The following CCDC38 variants were observed in gnomAD, a reference collection of about 807,000 sequenced individuals.
The protein encoded by CCDC38 is coiled-coil domain containing 38, also known as coiled-coil domain-containing protein 38.
CCDC38 carries 69 observed loss-of-function variants against 72.8 expected under a neutral mutation model. That is an observed-to-expected ratio of 0.95 (90% CI 0.78 to 1.16). The LOEUF (loss-of-function observed/expected upper bound fraction) is 1.16. Among genes scored for constraint, CCDC38 ranks in the 50% most tolerant of loss-of-function variants. CCDC38 has a pLI of 0.00. For missense variants in CCDC38, 626 were observed against 638.9 expected (o/e 0.98, Z 0.22); for synonymous variants, 201 against 213.2 (o/e 0.94, Z 0.50).
chr12:95,878,095 A>G (rs2079654776), intron 13 of CCDC38, 116 bp downstream of exon 13: 3 of 1,192,854 alleles, frequency 2.5e-6, no homozygotes, highest in East Asian at 4.9e-5. Context: ...CACTTCTGTC[A>G]TCAATCTAGG....
intron 2 of CCDC38, among the ~76,000 whole-genome samples, chr12:95,931,539 T>C (rs2080339417): frequency 6.6e-6 from 1 of 152,234 alleles, no homozygotes; most frequent in Non-Finnish European, 1.5e-5. Flanking sequence ...CTATTTGTCT[T>C]GTCCTAATTC....
intron 7 of CCDC38, 47 bp from the exon 8 acceptor site, chr12:95,895,193 C>A: frequency 7.1e-7 from 1 of 1,404,986 alleles, no homozygotes. Flanking sequence ...AGTGTGAAAG[C>A]ACATTCATTA....
rs2079659905 is a variant in CCDC38, at chr12:95,878,361, G to A, written c.1143-15C>T. The A allele has an allele frequency of 1.1e-5, 17 of 1,605,626 alleles. No homozygotes were observed. Among genetic ancestry groups the A allele is most frequent in the Non-Finnish European group, 1.4e-5 (17 of 1,177,934 alleles). ...TGTTGCTATTTCTATTACAAAAGAAGAAAGAGACCCTCATCTGAAATTTGT... is the reference window on the plus strand; with the variant it reads ...TGTTGCTATTTCTATTACAAAAGAAAAAAGAGACCCTCATCTGAAATTTGT... On this transcript the variant is annotated splice_polypyrimidine_tract_variant and intron_variant, in intron 12 of 15. Transcript: ENST00000344280.
chr12:95,868,476 G>T (rs1299985955), intron 15 of CCDC38, among the ~76,000 whole-genome samples: 1 of 152,152 alleles, frequency 6.6e-6, no homozygotes, highest in African/African-American at 2.4e-5. Context: ...CCTTTTTTAA[G>T]ATGAAGTATT....
chr12:95,893,110 G>A (rs1341798302), intron 8 of CCDC38, among the ~76,000 whole-genome samples: 2 of 151,978 alleles, frequency 1.3e-5, no homozygotes, highest in Admixed American at 6.6e-5. Context: ...TACATTTTTG[G>A]TAACATTTTA....
chr12:95,917,058 A>T, intron 4 of CCDC38, 71 bp downstream of exon 4: 1 of 1,310,744 alleles, frequency 7.6e-7, no homozygotes, highest in South Asian at 1.6e-5. Flanking sequence ...TCACCCTCCA[A>T]CAAAGCTCCC....
At chr12:95,890,763 C>T (rs1475047738) in intron 9 of CCDC38, 69 bp downstream of exon 9, 8 of 951,094 alleles carry the variant, frequency 8.4e-6, no homozygotes, top group East Asian at 2.5e-5. Flanking sequence ...GGCTTGTAGT[C>T]CTCTGTCTCC....
intron 4 of CCDC38, among the ~76,000 whole-genome samples, chr12:95,913,453 C>T (rs1233349525): frequency 6.6e-6 from 1 of 151,792 alleles, no homozygotes; most frequent in Non-Finnish European, 1.5e-5. Context: ...ACCTGTTTCT[C>T]TCCTTTCTCC....
intron 9 of CCDC38, among the ~76,000 whole-genome samples, chr12:95,890,453 C>T (rs2121455112): frequency 6.6e-6 from 1 of 152,354 alleles, no homozygotes; most frequent in Non-Finnish European, 1.5e-5. Flanking sequence ...TTCTCTGAAT[C>T]ACTGGCCAAA....
intron 10 of CCDC38, among the ~76,000 whole-genome samples, chr12:95,881,832 C>G (rs908859539): frequency 6.6e-6 from 1 of 152,198 alleles, no homozygotes; most frequent in African/African-American, 2.4e-5. Flanking sequence ...TGAGGTGCAT[C>G]TATAAAGTAA....
Position 95,879,771 on chromosome 12 carries a change from G to C in CCDC38, c.1015C>G (p.Pro339Ala). Reference protein sequence around the residue: ...DLEPALYFKEPEELLQVLREL... With the variant: ...DLEPALYFKEAEELLQVLREL... ...CTGAGGACTTGAAGTAACTCCTCTG[G>C]TTCCTTGAAATAAAGTGCTGGCTCC... The change falls in exon 12 of 16, where the codon CCA (proline) becomes GCA (alanine). Residue 339 changes from proline to alanine, a missense_variant. Coordinates refer to ENST00000344280, the MANE Select transcript of CCDC38 (RefSeq NM_182496.3). This position sits in a 1 kb window ranked among gnomAD's most constrained non-coding sequence, Gnocchi z 5.5. 1 of 1,607,622 alleles carries C rather than the reference G, an allele frequency of 6.2e-7. No homozygotes were observed. The highest frequency in any genetic ancestry group is 8.5e-7 in the Non-Finnish European group (1 of 1,177,136).
chr12:95,936,454 T>C lies in CCDC38; in HGVS notation c.37+19A>G. 6.2e-7 allele frequency: 1 copy of C among 1,611,604 alleles called. No individual in the cohort carries two copies. Among genetic ancestry groups the C allele is most frequent in the South Asian group, 1.1e-5 (1 of 90,568 alleles). On this transcript the variant is annotated intron_variant, in intron 2 of 15. Transcript: ENST00000344280. ...ACTGCCAGGCCCAAACAAGAATATA[T>C]TGATTGATTTCTTTTTACCTCCAGA...
chr12:95,904,474 A>T (rs2079981180), intron 5 of CCDC38, among the ~76,000 whole-genome samples: 1 of 152,256 alleles, frequency 6.6e-6, no homozygotes, highest in Non-Finnish European at 1.5e-5. Flanking sequence ...TATTAAAAGG[A>T]AAGAATATGC....
At chr12:95,920,964 A>G in intron 2 of CCDC38, among the ~76,000 whole-genome samples, 1 of 152,030 alleles carries the variant, frequency 6.6e-6, no homozygotes, top group East Asian at 1.9e-4. Flanking sequence ...CCCCATCTCT[A>G]CGAAGAATAC....
At chr12:95,940,949 C>G (rs2080444357) in intron 1 of CCDC38, among the ~76,000 whole-genome samples, 1 of 151,804 alleles carries the variant, frequency 6.6e-6, no homozygotes, top group Non-Finnish European at 1.5e-5. Context: ...TCAGCATATA[C>G]AAGTCAGATA....
intron 2 of CCDC38, among the ~76,000 whole-genome samples, chr12:95,924,351 G>A (rs2080244735): frequency 6.8e-6 from 1 of 147,316 alleles, no homozygotes; most frequent in South Asian, 2.2e-4. Context: ...CTTTTGAGAA[G>A]TGTCTGTTCA....
intron 2 of CCDC38, among the ~76,000 whole-genome samples, chr12:95,936,078 CAAAAA>C (rs35967530): frequency 1.3e-5 from 2 of 149,246 alleles, no homozygotes; most frequent in Non-Finnish European, 3.0e-5. Flanking sequence ...AATTCCATCT[CAAAAA>C]AAGTAATTAA....
intron 14 of CCDC38, 86 bp from the exon 15 acceptor site, chr12:95,869,659 G>A (rs10735335): frequency 0.57 from 552,939 of 971,728 alleles, 158,633 homozygotes; most frequent in African/African-American, 0.63. Flanking sequence ...TGAGCCATGT[G>A]ACTAGAAGAC....
chr12:95,893,327 GCCCTT>G (rs141665822), intron 8 of CCDC38, among the ~76,000 whole-genome samples: 6,329 of 144,454 alleles, frequency 0.044, 208 homozygotes, highest in Middle Eastern at 0.16. Context: ...CCCTTCCTTT[GCCCTT>G]CCCTTCCCTT....
Sources: allele counts gnomAD v4.1 joint callset (sites outside exome capture counted in the v4.1 genomes callset), GRCh38; gene constraint gnomAD v4.1.1; non-coding constraint Gnocchi (gnomAD v3.1); transcripts MANE v1.5; gene names NCBI Gene and HGNC (gene_info 2026-07-23, HGNC 2026-07-21).